CDH23: variants seen among roughly 807,000 people sequenced by gnomAD.
CDH23 encodes the protein cadherin-23.
A neutral mutation model predicts 317.1 loss-of-function variants in CDH23; 189 were observed. The ratio of observed to expected loss-of-function variants is 0.60; its 90% CI spans 0.53 to 0.67. The LOEUF (loss-of-function observed/expected upper bound fraction) is 0.67. Ranked by LOEUF, CDH23 falls within the 30% of genes least tolerant of loss-of-function variation. CDH23 has a pLI of 0.00. For missense variants in CDH23, 4,401 were observed against 4,592.4 expected (o/e 0.96, Z 1.20); for synonymous variants, 1,839 against 1,876.8 (o/e 0.98, Z 0.52).
chr10:71,724,461 T>C (rs1204812406), intron 29 of CDH23, among the ~76,000 whole-genome samples: 1 of 152,220 alleles, frequency 6.6e-6, no homozygotes, highest in Admixed American at 6.5e-5. Flanking sequence ...TACAGGCGCA[T>C]GCCTGTAATT....
intron 6 of CDH23, among the ~76,000 whole-genome samples, chr10:71,543,769 T>A (rs1206309003): frequency 6.6e-6 from 1 of 152,190 alleles, no homozygotes; most frequent in African/African-American, 2.4e-5. Flanking sequence ...AGCACCCTCT[T>A]ACCAGCCACC....
At position 71,690,451 on chromosome 10, in the gene CDH23, C is replaced by T. The variant is rs756416423; in HGVS notation, c.2060-17C>T. 3.2e-6 allele frequency: 5 copies of T among 1,569,842 alleles called. No individual in the cohort carries two copies. Among genetic ancestry groups the T allele is most frequent in the Non-Finnish European group, 3.5e-6 (4 of 1,154,456 alleles). On this transcript the variant is annotated splice_polypyrimidine_tract_variant and intron_variant, in intron 19 of 69. Transcript: ENST00000224721. ...GGGTGAGCAGCACCCCCTGCCCCCA[C>T]CTTTTTCCCCCTGAAGGAGCCACGG...
chr10:71,740,010 T>C (rs1390639222), intron 36 of CDH23, among the ~76,000 whole-genome samples: 1 of 152,178 alleles, frequency 6.6e-6, no homozygotes, highest in African/African-American at 2.4e-5. Context: ...TTGAGGTGTC[T>C]TCCCCTGCTG....
Position 71,689,288 on chromosome 10 carries a change from C to G in CDH23, c.2060-1180C>G, listed in dbSNP as rs531106817. ...CCACGAGGCCTTCTAAAGAGAACCT[C>G]TGGGTACCACTCTGGCACCTGACAA... On this transcript the variant is annotated intron_variant, in intron 19 of 69. Coordinates refer to ENST00000224721, the MANE Select transcript of CDH23 (RefSeq NM_022124.6). 7.2e-5 allele frequency among the ~76,000 whole-genome samples: 11 copies of G among 152,120 alleles called. No homozygotes were observed. The East Asian group carries it at 1.9e-3, about 27-fold the overall frequency.
intron 9 of CDH23, among the ~76,000 whole-genome samples, chr10:71,580,204 G>T (rs1303204552): frequency 6.6e-6 from 1 of 152,232 alleles, no homozygotes; most frequent in Non-Finnish European, 1.5e-5. Flanking sequence ...GGGGAAGGAG[G>T]CTGGAGATCC....
chr10:71,583,784 A>G (rs971752916), intron 9 of CDH23, among the ~76,000 whole-genome samples: 1 of 152,180 alleles, frequency 6.6e-6, no homozygotes, highest in African/African-American at 2.4e-5. Context: ...TTATCCCTCA[A>G]AACAGTCTAT....
intron 11 of CDH23, chr10:71,635,166 T>C (rs538861107): frequency 4.1e-4 from 62 of 152,672 alleles, no homozygotes; most frequent in African/African-American, 1.4e-3. Context: ...ATTAGGAAAA[T>C]AGAATTCAAA....
chr10:71,687,810 C>A (rs1864970273), intron 19 of CDH23, 91 bp downstream of exon 19: 12 of 1,209,298 alleles, frequency 9.9e-6, no homozygotes, highest in South Asian at 7.5e-5. Flanking sequence ...GCTCTGCACA[C>A]AAATTGTGGG....
At chr10:71,668,264 T>C (rs542629295) in intron 14 of CDH23, among the ~76,000 whole-genome samples, 1 of 151,938 alleles carries the variant, frequency 6.6e-6, no homozygotes, top group Admixed American at 6.5e-5. Flanking sequence ...AAGCAGAACG[T>C]AGGGAGCAGA....
intron 14 of CDH23, among the ~76,000 whole-genome samples, chr10:71,668,756 C>T (rs1564721218): frequency 6.6e-6 from 1 of 152,236 alleles, no homozygotes; most frequent in African/African-American, 2.4e-5. Context: ...GCATTGCTGA[C>T]TCAGGCCTCA....
chr10:71,684,300 C>A (rs910358627), intron 18 of CDH23, among the ~76,000 whole-genome samples: 1 of 152,144 alleles, frequency 6.6e-6, no homozygotes, highest in Non-Finnish European at 1.5e-5. Context: ...CTCCTCTAAT[C>A]GTAGCTGCAC....
At chr10:71,536,919 G>C (rs1315876717) in intron 6 of CDH23, among the ~76,000 whole-genome samples, 1 of 152,142 alleles carries the variant, frequency 6.6e-6, no homozygotes, top group Non-Finnish European at 1.5e-5. Flanking sequence ...GACCTCTGCT[G>C]TCCTGCGAGC....
At position 71,799,149 on chromosome 10, in the gene CDH23, G is replaced by T. The variant is rs1247084603; in HGVS notation, c.7093G>T (p.Val2365Leu). The T allele has an allele frequency of 2.5e-6, 4 of 1,614,036 alleles. No homozygotes were observed. The Admixed American group carries it at 6.7e-5, about 27-fold the overall frequency. Residue 2365 changes from valine (V) to leucine (L), a missense_variant, in exon 51 of 70, where the codon GTG becomes TTG. Coordinates refer to ENST00000224721, the MANE Select transcript of CDH23 (RefSeq NM_022124.6). The part of the protein sequence containing the change: ...IANRTVDYEE[V>L]HWLNFTVRAS... ...CAACCGGACAGTGGACTACGAGGAGGTGCACTGGCTCAACTTTACCGTGAG... is the reference window on the plus strand; with the variant it reads ...CAACCGGACAGTGGACTACGAGGAGTTGCACTGGCTCAACTTTACCGTGAG...
intron 38 of CDH23, chr10:71,761,850 G>A (rs536277622): frequency 1.7e-5 from 27 of 1,614,110 alleles, no homozygotes; most frequent in Admixed American, 1.7e-4. Flanking sequence ...CGGATGGGCC[G>A]GCGCTCTGAG....
At chr10:71,546,219 A>T (rs372751792) in intron 6 of CDH23, among the ~76,000 whole-genome samples, 1 of 151,832 alleles carries the variant, frequency 6.6e-6, no homozygotes, top group African/African-American at 2.4e-5. Flanking sequence ...CCCCTTCTCC[A>T]TGTTTATTTC....
At chr10:71,591,021 T>A (rs889096758) in intron 9 of CDH23, among the ~76,000 whole-genome samples, 1 of 151,806 alleles carries the variant, frequency 6.6e-6, no homozygotes, top group Non-Finnish European at 1.5e-5. Context: ...CAGACAAGAC[T>A]ATATAAATGG....
chr10:71,811,258 TGTCG>T (rs1841912447), intron 62 of CDH23, 53 bp from the exon 63 acceptor site: 3 of 1,612,606 alleles, frequency 1.9e-6, no homozygotes, highest in Non-Finnish European at 2.5e-6. Flanking sequence ...CAGAGCAGAC[TGTCG>T]GTGGTGGGGG....
chr10:71,636,431 C>A lies in CDH23; in HGVS notation c.1135-7430C>A, dbSNP rs544193508. ...AGCTACTTGAGAGGATTGCTTGAGC[C>A]CAGGAGGTTGAGGCTGCAGTGAGCA... On this transcript the variant is annotated intron_variant, in intron 11 of 69. Coordinates refer to ENST00000224721, the MANE Select transcript of CDH23 (RefSeq NM_022124.6). 1.2e-4 allele frequency among the ~76,000 whole-genome samples: 18 copies of A among 152,142 alleles called. No homozygotes were observed. In the East Asian group the frequency reaches 3.5e-3, roughly 29 times the overall value.
At chr10:71,680,583 A>G (rs1864579531) in intron 17 of CDH23, among the ~76,000 whole-genome samples, 3 of 151,916 alleles carry the variant, frequency 2.0e-5, no homozygotes, top group South Asian at 2.1e-4. Context: ...CCCTGTCTCT[A>G]CTAAAAATAC....
Sources: allele counts gnomAD v4.1 joint callset (sites outside exome capture counted in the v4.1 genomes callset), GRCh38; gene constraint gnomAD v4.1.1; transcripts MANE v1.5; gene names NCBI Gene and HGNC (gene_info 2026-07-23, HGNC 2026-07-21).